The following DNAJC5G variants were observed in gnomAD, a reference collection of about 807,000 sequenced individuals.
The protein encoded by DNAJC5G is DnaJ heat shock protein family (Hsp40) member C5 gamma.
Under a neutral mutation model 19.1 loss-of-function variants are expected in DNAJC5G, and 13 were observed. The ratio of observed to expected loss-of-function variants is 0.68; its 90% confidence interval spans 0.44 to 1.08. The LOEUF (loss-of-function observed/expected upper bound fraction) is 1.08. Among genes scored for constraint, DNAJC5G ranks in the 50% least tolerant of loss-of-function variants. The pLI is 0.00. For missense variants in DNAJC5G, 245 were observed against 230.4 expected (o/e 1.06, Z -0.41); for synonymous variants, 81 against 84.4 (o/e 0.96, Z 0.22).
intron 2 of DNAJC5G, 131 bp from the exon 3 acceptor site, chr2:27,276,595 T>TAA: frequency 1.4e-6 from 1 of 699,442 alleles, no homozygotes; most frequent in South Asian, 1.9e-5. Flanking sequence ...ACTCTTATCT[T>TAA]ATCCTTGTCC....
chr2:27,279,004 C>CAAAAA (rs1227842823), intron 5 of DNAJC5G, among the ~76,000 whole-genome samples: 4 of 56,780 alleles, frequency 7.0e-5, no homozygotes, highest in Admixed American at 3.8e-4. Context: ...GACTCCATCT[C>CAAAAA]AAAAAAAAAA....
In DNAJC5G at chr2:27,276,827, CA is replaced by C. The variant is rs755196274; in HGVS notation, c.105del (p.Lys35AsnfsTer51). 1.2e-6 allele frequency: 2 copies of C among 1,609,502 alleles called. No homozygotes were observed. The highest frequency in any genetic ancestry group is 2.7e-5 in the African/African-American group (2 of 74,574). ...AGAAGGGCGCCTCACCTGAAGACTT[CA>C]AAAAATCCTACAGGTTCAGACCTCA... ...LKKGASPEDFKKSYSHSALLP... is the reference protein window; with the variant it reads ...LKKGASPEDFXKSYSHSALLP... On this transcript the variant is annotated frameshift_variant, in exon 3 of 7. Coordinates refer to ENST00000296097, the MANE Select transcript of DNAJC5G (RefSeq NM_173650.3). LOFTEE classifies it high-confidence loss of function.
At position 27,277,964 on chromosome 2, in the gene DNAJC5G, T is replaced by C. The variant is rs1342443602; in HGVS notation, c.324T>C (p.Phe108=). The C allele has an allele frequency of 3.1e-6, 5 of 1,614,242 alleles. No homozygotes were observed. The South Asian group carries it at 5.5e-5, about 18-fold the overall frequency. ...TGGGAATATATCTGTATGATCACTT[T>C]GGTGAAGAAGGCGTCAGATACTATT... The part of the protein sequence containing the change: ...GSLGIYLYDH[F]GEEGVRYYFI... The change falls in exon 4 of 7, where the codon TTT becomes TTC. Residue 108 remains phenylalanine, a synonymous_variant. Coordinates refer to ENST00000296097, the MANE Select transcript of DNAJC5G (RefSeq NM_173650.3).
In DNAJC5G at chr2:27,276,766, A is replaced by G; in HGVS notation, c.38A>G (p.Lys13Arg). The G allele has an allele frequency of 6.2e-7, 1 of 1,614,060 alleles. No individual in the cohort carries two copies. Among genetic ancestry groups the G allele is most frequent in the South Asian group, 1.1e-5 (1 of 91,068 alleles). ...AAGGAAGCAGCACACCGGCTGTCCA[A>G]AAGTGAGATGAGCCTCTATGCAGTG... ...TVKEAAHRLS[K>R]SEMSLYAVLD... The change falls in exon 3 of 7, where the codon AAA becomes AGA. Residue 13 changes from lysine (K) to arginine (R), a missense_variant. By Grantham distance (26) the Lys-to-Arg change is conservative (BLOSUM62 2). Coordinates refer to ENST00000296097, the MANE Select transcript of DNAJC5G (RefSeq NM_173650.3).
In DNAJC5G at chr2:27,278,224, T is replaced by A. The variant is rs759451863; in HGVS notation, c.412T>A (p.Cys138Ser). 6 of 1,614,080 alleles carry A rather than the reference T, an allele frequency of 3.7e-6. No individual in the cohort carries two copies. In the Admixed American group the frequency reaches 8.3e-5, roughly 22 times the overall value. ...CCTGTGTACTCTGCTCACTTGTTGCTGTTTCTGTTGTTGCTGCTGTTTTTG... is the reference window on the plus strand; with the variant it reads ...CCTGTGTACTCTGCTCACTTGTTGCAGTTTCTGTTGTTGCTGCTGTTTTTG... ...VILCTLLTCC[C>S]FCCCCCFCCG... Residue 138 changes from cysteine (C) to serine (S), a missense_variant, in exon 5 of 7, where the codon TGT becomes AGT. Coordinates refer to ENST00000296097, the MANE Select transcript of DNAJC5G (RefSeq NM_173650.3).
At chr2:27,277,656 T>C in intron 3 of DNAJC5G, 98 bp from the exon 4 acceptor site, 1 of 1,473,762 alleles carries the variant, frequency 6.8e-7, no homozygotes, top group Non-Finnish European at 9.3e-7. Flanking sequence ...GTTTAGACCT[T>C]GGATGCTTGC....
At chr2:27,277,621 C>T (rs911668981) in intron 3 of DNAJC5G, 133 bp from the exon 4 acceptor site, 39 of 1,210,140 alleles carry the variant, frequency 3.2e-5, no homozygotes, top group African/African-American at 7.6e-5. Context: ...GCACCATCAC[C>T]CTCTTCATTA....
At chr2:27,277,657 G>A in intron 3 of DNAJC5G, 97 bp from the exon 4 acceptor site, 3 of 1,482,664 alleles carry the variant, frequency 2.0e-6, no homozygotes, top group Non-Finnish European at 2.8e-6. Flanking sequence ...TTTAGACCTT[G>A]GATGCTTGCC....
In DNAJC5G at chr2:27,277,876, A is replaced by T; in HGVS notation, c.236A>T (p.Asn79Ile). 1 of 1,614,212 alleles carries T rather than the reference A, an allele frequency of 6.2e-7. No individual in the cohort carries two copies. Among genetic ancestry groups the T allele is most frequent in the Non-Finnish European group, 8.5e-7 (1 of 1,180,054 alleles). ...GCAGCAGAAATATTCAAAGAGATCA[A>T]CGCAGCTCATGCCATACTGAGCGAC... ...AQAAEIFKEI[N>I]AAHAILSDSK... is the part of the protein sequence containing the mutation. Residue 79 changes from asparagine (N) to isoleucine (I), a missense_variant, in exon 4 of 7, where the codon AAC becomes ATC. Physicochemically the swap from Asn to Ile is moderately radical, Grantham distance 149. Coordinates refer to ENST00000296097, the MANE Select transcript of DNAJC5G (RefSeq NM_173650.3).
chr2:27,279,287 G>A (rs1016178685), intron 5 of DNAJC5G, among the ~76,000 whole-genome samples: 3 of 152,002 alleles, frequency 2.0e-5, no homozygotes, highest in Non-Finnish European at 2.9e-5. Flanking sequence ...TTTTGTTGTT[G>A]TTGTTTTGTT....
rs777906918 is a variant in DNAJC5G at position 27,276,810 on chromosome 2, G to T, written c.82G>T (p.Ala28Ser). The T allele has an allele frequency of 1.3e-5, 21 of 1,613,678 alleles. No homozygotes were observed. The highest frequency in any genetic ancestry group is 3.3e-5 in the Admixed American group (2 of 59,940). ...LYAVLDLKKG[A>S]SPEDFKKSYS... ...TGCAGTGCTGGATCTTAAGAAGGGC[G>T]CCTCACCTGAAGACTTCAAAAAATC... Residue 28 changes from alanine (A) to serine (S), a missense_variant, in exon 3 of 7, where the codon GCC becomes TCC. Ala to Ser is a moderately conservative substitution (Grantham distance 99). Coordinates refer to ENST00000296097, the MANE Select transcript of DNAJC5G (RefSeq NM_173650.3).
rs1451727973 is a variant in DNAJC5G, at chr2:27,281,453, A to C, written c.*1043A>C. 2.0e-5 allele frequency: 3 copies of C among 152,358 alleles called. No homozygotes were observed. The highest frequency in any genetic ancestry group is 7.2e-5 in the African/African-American group (3 of 41,444). The allele number at this position is 152,358 out of a possible 1,614,324, so 9.4% of individuals were successfully genotyped here. ...CAATCCCAAGGCATATATTATGCCC[A>C]AAAAAGACAAATTGTGTCTGGGGTA... On this transcript the variant is annotated 3_prime_UTR_variant, in exon 7 of 7. Transcript: ENST00000296097.
chr2:27,277,855 C>G lies in DNAJC5G; in HGVS notation c.215C>G (p.Ala72Gly). The change falls in exon 4 of 7, where the codon GCA (alanine) becomes GGA (glycine). Residue 72 changes from alanine (A) to glycine (G), a missense_variant. Ala to Gly is a moderately conservative substitution (Grantham distance 60, BLOSUM62 0). Coordinates refer to ENST00000296097, the MANE Select transcript of DNAJC5G (RefSeq NM_173650.3). ...PDKNPGNAQA[A>G]EIFKEINAAH... ...AAGAATCCAGGGAATGCTCAAGCAG[C>G]AGAAATATTCAAAGAGATCAACGCA... is the stretch of plus-strand genomic sequence containing the variant. 6.2e-7 allele frequency: 1 copy of G among 1,614,126 alleles called. No homozygotes were observed. Among genetic ancestry groups the G allele is most frequent in the African/African-American group, 1.3e-5 (1 of 75,016 alleles).
chr2:27,276,584 C>A, intron 2 of DNAJC5G, 142 bp from the exon 3 acceptor site: 1 of 628,406 alleles, frequency 1.6e-6, no homozygotes, highest in South Asian at 2.1e-5. Flanking sequence ...AAATCCCACT[C>A]ACTCTTATCT....
chr2:27,278,188 A>G lies in DNAJC5G; in HGVS notation c.376A>G (p.Thr126Ala). 1.2e-6 allele frequency: 2 copies of G among 1,614,120 alleles called. No individual in the cohort carries two copies. Among genetic ancestry groups the G allele is most frequent in the South Asian group, 1.1e-5 (1 of 91,072 alleles). The change falls in exon 5 of 7, where the codon ACA (threonine) becomes GCA (alanine). Residue 126 changes from threonine (T) to alanine (A), a missense_variant and splice_region_variant. Thr to Ala is a moderately conservative substitution (Grantham distance 58). Transcript: ENST00000296097. ...YFILNSCWFK[T>A]LVILCTLLTC... ...GAGGCCATTCTCGCCTACCTTTTAG[A>G]CACTTGTCATCCTGTGTACTCTGCT...
chr2:27,276,958 G>T (rs931809681), intron 3 of DNAJC5G, 117 bp downstream of exon 3: 11 of 827,384 alleles, frequency 1.3e-5, no homozygotes, highest in East Asian at 8.3e-5. Context: ...AGGAAGTCTC[G>T]TCCTGTCACA....
At chr2:27,277,513 T>C (rs4665961) in intron 3 of DNAJC5G, among the ~76,000 whole-genome samples, 63,268 of 151,620 alleles carry the variant, frequency 0.42, 17,349 homozygotes, top group African/African-American at 0.77. Flanking sequence ...CCGCCCACCT[T>C]GGCCTCCCAA....
In DNAJC5G at chr2:27,277,794, C is replaced by T. The variant is rs767741472; in HGVS notation, c.154C>T (p.Leu52=). 3.7e-6 allele frequency: 6 copies of T among 1,613,974 alleles called. No homozygotes were observed. Among genetic ancestry groups the T allele is most frequent in the Non-Finnish European group, 5.1e-6 (6 of 1,180,016 alleles). ...TCCCCACCCTCCTTTTGAGTATCACCTGGGTAGGAAACTGGCCTTGCGGTA... is the reference window on the plus strand; with the variant it reads ...TCCCCACCCTCCTTTTGAGTATCACTTGGGTAGGAAACTGGCCTTGCGGTA... ...LLPHPPFEYH[L]GRKLALRYHP... Residue 52 remains leucine, a synonymous_variant, in exon 4 of 7, where the codon CTG becomes TTG. Transcript: ENST00000296097.
At chr2:27,279,220 G>A (rs1678259605) in intron 5 of DNAJC5G, among the ~76,000 whole-genome samples, 1 of 152,142 alleles carries the variant, frequency 6.6e-6, no homozygotes, top group South Asian at 2.1e-4. Context: ...TAAGGAATGG[G>A]GTGGGAGAGT....
Sources: allele counts gnomAD v4.1 joint callset (sites outside exome capture counted in the v4.1 genomes callset), GRCh38; gene constraint gnomAD v4.1.1; transcripts MANE v1.5; gene names NCBI Gene and HGNC (gene_info 2026-07-23, HGNC 2026-07-21).